ZNF507: variants seen among roughly 807,000 people sequenced by gnomAD.
The protein encoded by ZNF507 is zinc finger protein 507.
In ZNF507, 29 loss-of-function variants were observed where a neutral mutation model predicts 80.0. The observed-to-expected ratio is 0.36, with a 90% CI of 0.27 to 0.49. The LOEUF is 0.49. Among genes scored for constraint, ZNF507 ranks in the 20% least tolerant of loss-of-function variants. The probability of loss-of-function intolerance (pLI) is 0.98; values close to 1 mark genes in which losing one functional copy is unlikely to be tolerated. For synonymous variants in ZNF507, 462 were observed against 422.5 expected, an observed-to-expected ratio of 1.09 and a Z score of -1.15; for missense variants, 1,081 against 1,152.2, an observed-to-expected ratio of 0.94 and a Z score of 0.90.
In ZNF507 at chr19:32,385,338, A is replaced by G. The variant is rs1304793529; in HGVS notation, c.*2255A>G. On this transcript the variant is annotated 3_prime_UTR_variant, in exon 7 of 7. Coordinates refer to ENST00000355898, the MANE Select transcript of ZNF507 (RefSeq NM_001136156.2). The stretch of plus-strand genomic sequence containing the variant: ...AAGTTTCATCTGATTCTGGCCTTAG[A>G]ATTGTCCTTAAAAGCTTTCTCCTGG... 6.6e-6 allele frequency: 1 copy of G among 152,164 alleles called. No individual in the cohort carries two copies. Among genetic ancestry groups the G allele is most frequent in the Non-Finnish European group, 1.5e-5 (1 of 68,028 alleles). The allele number at this position is 152,164 out of a possible 1,614,324, so 9.4% of individuals were successfully genotyped here.
chr19:32,348,658 G>A (rs1302217530), intron 2 of ZNF507, among the ~76,000 whole-genome samples: 2 of 152,154 alleles, frequency 1.3e-5, no homozygotes, highest in African/African-American at 4.8e-5. Context: ...GAACTTTTCT[G>A]GTTTGGGATA....
Position 32,382,779 on chromosome 19 carries a change from T to A in ZNF507, c.2558T>A (p.Val853Asp), listed in dbSNP as rs1359084266. Residue 853 changes from valine to aspartate, a missense_variant, in exon 7 of 7, where the codon GTC becomes GAC. Physicochemically the swap from Val to Asp is radical, Grantham distance 152. Coordinates refer to ENST00000355898, the MANE Select transcript of ZNF507 (RefSeq NM_001136156.2). Reference protein sequence around the residue: ...LKSSEESADPVTGSSENAVSS... With the variant: ...LKSSEESADPDTGSSENAVSS... The stretch of plus-strand genomic sequence containing the variant: ...AGCAGTGAAGAGAGTGCAGATCCCG[T>A]CACTGGAAGTTCAGAAAATGCAGTG... 2 of 1,613,898 alleles carry A rather than the reference T, an allele frequency of 1.2e-6. No homozygotes were observed. The highest frequency in any genetic ancestry group is 1.7e-6 in the Non-Finnish European group (2 of 1,179,982).
rs1445852777 is a variant in ZNF507 at position 32,382,471 on chromosome 19, T to G, written c.2365T>G (p.Ser789Ala). 1 of 1,613,446 alleles carries G rather than the reference T, an allele frequency of 6.2e-7. No homozygotes were observed. The highest frequency in any genetic ancestry group is 8.5e-7 in the Non-Finnish European group (1 of 1,179,700). Reference protein sequence around the residue: ...IHNSDKPYRCSLCGYVCSHPP... With the variant: ...IHNSDKPYRCALCGYVCSHPP... ...CCTTGCCTGCCTGTCTTCCAGATGCTCTCTGTGTGGGTATGTGTGTAGCCA... is the reference window on the plus strand; with the variant it reads ...CCTTGCCTGCCTGTCTTCCAGATGCGCTCTGTGTGGGTATGTGTGTAGCCA... The change falls in exon 6 of 7, where the codon TCT (serine) becomes GCT (alanine). Residue 789 changes from serine to alanine, a missense_variant. By Grantham distance (99) the Ser-to-Ala change is moderately conservative. This residue lies in a region of ZNF507 where 40 missense variants were observed against 52.4 expected (regional missense o/e 0.76). Transcript: ENST00000355898.
intron 5 of ZNF507, among the ~76,000 whole-genome samples, chr19:32,373,416 A>G (rs562098691): frequency 6.6e-6 from 1 of 152,338 alleles, no homozygotes; most frequent in South Asian, 2.1e-4. Flanking sequence ...ACTTTGAGAA[A>G]TAAAATGTTT....
Position 32,383,765 on chromosome 19 carries a change from G to C in ZNF507, c.*682G>C, listed in dbSNP as rs1405263576. The C allele has an allele frequency of 6.6e-6, 1 of 152,206 alleles. No individual in the cohort carries two copies. The highest frequency in any genetic ancestry group is 2.4e-5 in the African/African-American group (1 of 41,450). The allele number at this position is 152,206 out of a possible 1,614,324, so 9.4% of individuals were successfully genotyped here. ...CTTAAATTTACGATGAATTTCTTGT[G>C]AGCAGAGGACGAAACAGGTGAATTC... On this transcript the variant is annotated 3_prime_UTR_variant, in exon 7 of 7. Transcript: ENST00000355898.
chr19:32,350,434 C>T (rs533923437), intron 2 of ZNF507, among the ~76,000 whole-genome samples: 1 of 152,306 alleles, frequency 6.6e-6, no homozygotes, highest in African/African-American at 2.4e-5. Flanking sequence ...TCCATTAGCT[C>T]TTAATGCCTG....
chr19:32,358,074 G>A (rs1362687611), intron 4 of ZNF507: 1 of 152,038 alleles, frequency 6.6e-6, no homozygotes, highest in Non-Finnish European at 1.5e-5. Context: ...TTTTCTTTGT[G>A]GCTCATGCTT....
intron 5 of ZNF507, among the ~76,000 whole-genome samples, chr19:32,365,314 C>T (rs1967384023): frequency 6.6e-6 from 1 of 152,132 alleles, no homozygotes. Context: ...GCTGACTGTT[C>T]CTTTTGCTTT....
chr19:32,353,872 C>T lies in ZNF507; in HGVS notation c.1042C>T (p.Leu348=), dbSNP rs774040930. The T allele has an allele frequency of 3.7e-6, 6 of 1,614,128 alleles. No homozygotes were observed. In the East Asian group the frequency reaches 8.9e-5, roughly 24 times the overall value. ...ACAGAGTGCAGAAAGAGGAGTACAC[C>T]TAAGTCAGTCAGTTACCCTGGACCC... is the stretch of plus-strand genomic sequence containing the variant. ...LEQSAERGVH[L]SQSVTLDPNE... The change falls in exon 3 of 7, where the codon CTA becomes TTA. Residue 348 remains leucine (L), a synonymous_variant. Coordinates refer to ENST00000355898, the MANE Select transcript of ZNF507 (RefSeq NM_001136156.2).
Position 32,352,895 on chromosome 19 carries a change from C to G in ZNF507, c.65C>G (p.Thr22Ser), listed in dbSNP as rs758654297. Residue 22 changes from threonine to serine, a missense_variant, in exon 3 of 7, where the codon ACT becomes AGT. Thr to Ser is a moderately conservative substitution (Grantham distance 58). Transcript: ENST00000355898. ...PDIGEQEAIL[T>S]AESIISPSLE... ...ATTGGGGAACAGGAAGCTATACTGA[C>G]TGCTGAAAGTATCATCAGTCCTTCA... 6.2e-7 allele frequency: 1 copy of G among 1,612,902 alleles called. No individual in the cohort carries two copies. Among genetic ancestry groups the G allele is most frequent in the Non-Finnish European group, 8.5e-7 (1 of 1,179,716 alleles).
intron 5 of ZNF507, among the ~76,000 whole-genome samples, chr19:32,365,894 A>G (rs1379072267): frequency 6.6e-6 from 1 of 152,196 alleles, no homozygotes. Flanking sequence ...ATGTTGACTG[A>G]TAGTTGTCCA....
chr19:32,362,571 C>T (rs1252978679), intron 5 of ZNF507, among the ~76,000 whole-genome samples: 2 of 152,102 alleles, frequency 1.3e-5, no homozygotes, highest in Admixed American at 1.3e-4. Context: ...AAAAGGTTAG[C>T]GATTCTAGTT....
chr19:32,354,925 T>C lies in ZNF507; in HGVS notation c.2095T>C (p.Cys699Arg). ...CCACTGTAAGACAAGAATATACCAG[T>C]GCAAGCAGTGTGAAGAATCCTTCCA... ...IHHCKTRIYQ[C>R]KQCEESFHYK... The change falls in exon 3 of 7, where the codon TGC (cysteine) becomes CGC (arginine). Residue 699 changes from cysteine to arginine, a missense_variant. Physicochemically the swap from Cys to Arg is radical, Grantham distance 180 (BLOSUM62 -3). Transcript: ENST00000355898. 6.2e-7 allele frequency: 1 copy of C among 1,611,848 alleles called. No individual in the cohort carries two copies. The highest frequency in any genetic ancestry group is 8.5e-7 in the Non-Finnish European group (1 of 1,178,808).
intron 5 of ZNF507, among the ~76,000 whole-genome samples, chr19:32,366,648 A>G (rs932786524): frequency 2.0e-5 from 3 of 152,214 alleles, no homozygotes; most frequent in Admixed American, 1.3e-4. Context: ...CCTCCCTGAT[A>G]TGATCTGATA....
At chr19:32,371,347 T>G (rs933930359) in intron 5 of ZNF507, among the ~76,000 whole-genome samples, 8 of 151,606 alleles carry the variant, frequency 5.3e-5, no homozygotes, top group Admixed American at 6.6e-5. Flanking sequence ...GGTAGTGCAT[T>G]CCTGTAATCC....
chr19:32,353,247 G>A lies in ZNF507; in HGVS notation c.417G>A (p.Val139=), dbSNP rs769506214. The A allele has an allele frequency of 1.2e-6, 2 of 1,614,184 alleles. No individual in the cohort carries two copies. The highest frequency in any genetic ancestry group is 1.7e-5 in the Admixed American group (1 of 60,020). ...AGTTTCTATCATCATCCTTTTCCGTGTTAAAAGATCATATTAAGCAACATG... is the reference window on the plus strand; with the variant it reads ...AGTTTCTATCATCATCCTTTTCCGTATTAAAAGATCATATTAAGCAACATG... ...LCKFLSSSFS[V]LKDHIKQHGQ... Residue 139 remains valine (V), a synonymous_variant, in exon 3 of 7, where the codon GTG becomes GTA. Transcript: ENST00000355898.
chr19:32,383,168 C>G lies in ZNF507; in HGVS notation c.*85C>G. The G allele has an allele frequency of 6.7e-7, 1 of 1,490,376 alleles. No homozygotes were observed. Among genetic ancestry groups the G allele is most frequent in the African/African-American group, 1.4e-5 (1 of 70,998 alleles). 92.3% of individuals were successfully genotyped at this position (1,490,376 alleles called of 1,614,324 possible). ...CTTTACGCTGTCAGACAACTTCCTG[C>G]CACAGAAGAAGTCGTTGATGTGATT... On this transcript the variant is annotated 3_prime_UTR_variant, in exon 7 of 7. Transcript: ENST00000355898.
chr19:32,346,892 T>A (rs1157961454), intron 1 of ZNF507, among the ~76,000 whole-genome samples: 1 of 152,244 alleles, frequency 6.6e-6, no homozygotes, highest in Admixed American at 6.5e-5. Flanking sequence ...GTATTTTTAG[T>A]TTAGATTAAA....
At chr19:32,365,815 A>G (rs1406303808) in intron 5 of ZNF507, among the ~76,000 whole-genome samples, 2 of 152,192 alleles carry the variant, frequency 1.3e-5, no homozygotes, top group East Asian at 1.9e-4. Context: ...GCATGATGTC[A>G]AGGGAAGTAC....
Sources: gnomAD v4.1 joint callset for allele counts (sites outside exome capture counted in the v4.1 genomes callset) on GRCh38, gnomAD v4.1.1 for gene constraint, gnomAD v4.1.1 regional missense constraint, MANE v1.5 for transcripts, NCBI Gene and HGNC (gene_info 2026-07-23, HGNC 2026-07-21) for gene names.